SORCS3: variants seen among roughly 807,000 people sequenced by gnomAD.
SORCS3 encodes VPS10 domain-containing receptor SorCS3.
Under a neutral mutation model 146.3 loss-of-function variants are expected in SORCS3, and 57 were observed. The observed-to-expected ratio is 0.39, with a 90% CI of 0.31 to 0.49. The LOEUF is 0.49. Ranked by LOEUF, SORCS3 falls within the 20% of genes least tolerant of loss-of-function variation. The pLI, the probability that SORCS3 is intolerant of heterozygous loss-of-function variation, is 0.92. For synonymous variants in SORCS3, 653 were observed against 618.5 expected, an observed-to-expected ratio of 1.06 and a Z score of -0.83; for missense variants, 1,341 against 1,575.5, an observed-to-expected ratio of 0.85 and a Z score of 2.52.
chr10:105,170,848 C>G (rs2056353739), intron 13 of SORCS3, among the ~76,000 whole-genome samples: 1 of 152,126 alleles, frequency 6.6e-6, no homozygotes, highest in East Asian at 1.9e-4. Context: ...AAATTGTTGA[C>G]TGATCTTGTC....
intron 3 of SORCS3, among the ~76,000 whole-genome samples, chr10:104,928,036 G>A (rs2019166640): frequency 6.6e-6 from 1 of 152,156 alleles, no homozygotes; most frequent in African/African-American, 2.4e-5. Flanking sequence ...TGGAAAAGGA[G>A]GGAAAGGAAA....
At chr10:105,053,913 T>C (rs1415237548) in intron 5 of SORCS3, among the ~76,000 whole-genome samples, 2 of 152,118 alleles carry the variant, frequency 1.3e-5, no homozygotes, top group African/African-American at 2.4e-5. Context: ...AAACTATATA[T>C]ATAAAAATAT....
chr10:104,657,929 G>T (rs1430702042), intron 1 of SORCS3, among the ~76,000 whole-genome samples: 2 of 152,218 alleles, frequency 1.3e-5, no homozygotes, highest in Admixed American at 6.5e-5. Context: ...AATGGAAGTT[G>T]CAGGGAGATT....
intron 1 of SORCS3, among the ~76,000 whole-genome samples, chr10:104,652,696 A>G (rs1433944271): frequency 6.6e-6 from 1 of 152,236 alleles, no homozygotes; most frequent in Non-Finnish European, 1.5e-5. Flanking sequence ...CACGTCTGAT[A>G]ATAATAAAAT....
intron 20 of SORCS3, among the ~76,000 whole-genome samples, chr10:105,231,224 TTTC>T (rs1322058758): frequency 3.1e-4 from 47 of 152,222 alleles, no homozygotes; most frequent in Non-Finnish European, 6.0e-4. Context: ...ACTATTTTTG[TTTC>T]TTCTTTGTGG....
chr10:105,249,872 C>T (rs999363762), intron 22 of SORCS3, among the ~76,000 whole-genome samples: 7 of 151,608 alleles, frequency 4.6e-5, no homozygotes, highest in Admixed American at 3.9e-4. Context: ...CAGAGTGAGA[C>T]TCCATCTCAA....
rs192463367 is a variant in SORCS3, at chr10:105,170,440, C to T, written c.1901+3091C>T. 4.6e-5 allele frequency among the ~76,000 whole-genome samples: 7 copies of T among 152,134 alleles called. No homozygotes were observed. The East Asian group carries it at 1.4e-3, about 29-fold the overall frequency. On this transcript the variant is annotated intron_variant, in intron 13 of 26. Transcript: ENST00000369701. ...CAGAAAAAAAAAAGAACTGCACTGC[C>T]ACTGAATTTCCTCTTATAATAACAA...
chr10:105,041,494 T>G (rs1589605762), intron 4 of SORCS3, among the ~76,000 whole-genome samples: 1 of 150,180 alleles, frequency 6.7e-6, no homozygotes, highest in South Asian at 2.1e-4. Context: ...TATATACATA[T>G]ATACCTACAT....
rs1292102560 is a variant in SORCS3, at chr10:104,641,560, C to T, written c.233C>T (p.Ala78Val). 3 of 1,468,624 alleles carry T rather than the reference C, an allele frequency of 2.0e-6. No homozygotes were observed. The highest frequency in any genetic ancestry group is 1.5e-5 in the African/African-American group (1 of 67,440). 91.0% of individuals were successfully genotyped at this position (1,468,624 alleles called of 1,614,324 possible). A position where few individuals can be genotyped will look rare whatever the true frequency, so the allele number is the denominator to read the frequency against. ...GAGGAGCTGGCGTCGGCGCGGAGAG[C>T]CGCCGTGCTGGGGCGCCGGGCCGGA... ...WPEELASARR[A>V]AVLGRRAGPE... Residue 78 changes from alanine (A) to valine (V), a missense_variant, in exon 1 of 27, where the codon GCC becomes GTC. Ala to Val is a moderately conservative substitution (Grantham distance 64, BLOSUM62 0). Transcript: ENST00000369701. The surrounding 1 kb of genome is among the most constrained non-coding windows in gnomAD (Gnocchi z 6.4).
intron 12 of SORCS3, among the ~76,000 whole-genome samples, chr10:105,166,514 T>C (rs1364056994): frequency 2.6e-5 from 4 of 152,160 alleles, no homozygotes; most frequent in African/African-American, 9.7e-5. Flanking sequence ...TTCTCTTAAC[T>C]CGGAACCTTG....
intron 5 of SORCS3, among the ~76,000 whole-genome samples, chr10:105,068,301 C>T (rs189812138): frequency 6.0e-4 from 92 of 152,324 alleles, no homozygotes; most frequent in African/African-American, 2.1e-3. Context: ...TAACTCCAGA[C>T]TGCCTTTATT....
At chr10:105,035,741 C>T (rs2055302221) in intron 4 of SORCS3, among the ~76,000 whole-genome samples, 1 of 152,146 alleles carries the variant, frequency 6.6e-6, no homozygotes, top group Admixed American at 6.5e-5. Context: ...GTTGGGATTA[C>T]CAGTGTGAGC....
At chr10:104,863,459 A>G (rs1589528062) in intron 2 of SORCS3, among the ~76,000 whole-genome samples, 1 of 152,260 alleles carries the variant, frequency 6.6e-6, no homozygotes, top group East Asian at 1.9e-4. Context: ...CTAGCCCAGC[A>G]TCCTCTCACT....
intron 4 of SORCS3, among the ~76,000 whole-genome samples, chr10:105,040,639 T>G (rs150936798): frequency 1.3e-5 from 2 of 152,308 alleles, no homozygotes; most frequent in African/African-American, 4.8e-5. Context: ...GTTTGCTTCC[T>G]AAACAATTGA....
intron 1 of SORCS3, among the ~76,000 whole-genome samples, chr10:104,726,401 G>A (rs78410804): frequency 6.6e-5 from 10 of 152,240 alleles, no homozygotes; most frequent in African/African-American, 1.4e-4. Flanking sequence ...AACTAAACTC[G>A]TGCTAATTTA....
intron 1 of SORCS3, among the ~76,000 whole-genome samples, chr10:104,778,935 C>T (rs191257369): frequency 6.6e-6 from 1 of 152,276 alleles, no homozygotes; most frequent in East Asian, 1.9e-4. Context: ...AGGGACTTTG[C>T]ATACATGATT....
intron 20 of SORCS3, among the ~76,000 whole-genome samples, chr10:105,228,218 T>C (rs1288616878): frequency 6.6e-6 from 1 of 152,088 alleles, no homozygotes; most frequent in African/African-American, 2.4e-5. Context: ...TTTTGTTTTG[T>C]TCTTCATAGT....
At chr10:105,211,749 T>C (rs1027543882) in intron 17 of SORCS3, among the ~76,000 whole-genome samples, 1 of 152,226 alleles carries the variant, frequency 6.6e-6, no homozygotes, top group African/African-American at 2.4e-5. Flanking sequence ...TCTTTGTTCA[T>C]GTATTAGTTA....
intron 4 of SORCS3, among the ~76,000 whole-genome samples, chr10:104,981,242 C>T (rs757430125): frequency 6.6e-6 from 1 of 152,182 alleles, no homozygotes; most frequent in Non-Finnish European, 1.5e-5. Flanking sequence ...ATAGATTCTC[C>T]TGCCATCTTG....
Sources: gnomAD v4.1 joint callset for allele counts (sites outside exome capture counted in the v4.1 genomes callset) on GRCh38, gnomAD v4.1.1 for gene constraint, Gnocchi (gnomAD v3.1) non-coding constraint, MANE v1.5 for transcripts, NCBI Gene and HGNC (gene_info 2026-07-23, HGNC 2026-07-21) for gene names.